The following MAPKBP1 variants were observed in gnomAD, a reference collection of about 807,000 sequenced individuals.
MAPKBP1 encodes the protein mitogen-activated protein kinase binding protein 1.
In MAPKBP1, 71 loss-of-function variants were observed where a neutral mutation model predicts 170.5. The observed-to-expected ratio is 0.42, with a 90% CI of 0.34 to 0.51. MAPKBP1 has a LOEUF of 0.51. Among genes scored for constraint, MAPKBP1 ranks in the 20% least tolerant of loss-of-function variants. MAPKBP1 has a pLI of 0.06. For missense variants in MAPKBP1, 1,598 were observed against 1,933.0 expected (o/e 0.83, Z 3.25); for synonymous variants, 719 against 757.9 (o/e 0.95, Z 0.84).
In MAPKBP1 at chr15:41,824,547, A is replaced by G; in HGVS notation, c.4277A>G (p.Gln1426Arg). Residue 1426 changes from glutamine to arginine, a missense_variant, in exon 30 of 31, where the codon CAG (glutamine) becomes CGG (arginine). Coordinates refer to ENST00000457542, the MANE Select transcript of MAPKBP1 (RefSeq NM_014994.3). ...LVAELRGSVRQAVRLYHSVAG... is the reference protein window; with the variant it reads ...LVAELRGSVRRAVRLYHSVAG... ...GCAGAGCTCCGCGGCAGCGTGCGCC[A>G]GGCAGTGCGGCTCTACCACTCGGTG... 6.2e-7 allele frequency: 1 copy of G among 1,600,996 alleles called. No individual in the cohort carries two copies. Among genetic ancestry groups the G allele is most frequent in the Non-Finnish European group, 8.5e-7 (1 of 1,175,074 alleles).
At position 41,821,832 on chromosome 15, in the gene MAPKBP1, C is replaced by G. The variant is rs150269120; in HGVS notation, c.2885+82C>G. 1.6e-3 allele frequency: 2,588 copies of G among 1,588,998 alleles called. 48 individuals carry two copies. In the African/African-American group the frequency reaches 0.032, roughly 20 times the overall value. On this transcript the variant is annotated intron_variant, in intron 24 of 30. Transcript: ENST00000457542. ...TTCTTTAGTCGAGGGAGGGTTGGCC[C>G]CCAGGATACTCAGGGCTTTCCTTCC... is the stretch of plus-strand genomic sequence containing the variant.
chr15:41,811,897 G>T, intron 5 of MAPKBP1, 60 bp from the exon 6 acceptor site: 1 of 1,581,908 alleles, frequency 6.3e-7, no homozygotes, highest in African/African-American at 1.3e-5. Context: ...GGAAGACGAA[G>T]TGGGGCTGTA....
At chr15:41,814,850 G>C in intron 10 of MAPKBP1, 111 bp downstream of exon 10, 1 of 1,337,680 alleles carries the variant, frequency 7.5e-7, no homozygotes, top group African/African-American at 1.5e-5. Flanking sequence ...CTGCCTCCCT[G>C]TTTCTCCAGT....
At chr15:41,819,547 C>CACGGG in intron 21 of MAPKBP1, 48 bp from the exon 22 acceptor site, 1 of 1,228,204 alleles carries the variant, frequency 8.1e-7, no homozygotes, top group African/African-American at 1.9e-5. Context: ...GGTTGGGTGG[C>CACGGG]GGGGGGGGGG....
At chr15:41,823,354 T>C (rs1237588289) in intron 28 of MAPKBP1, 93 bp from the exon 29 acceptor site, 2 of 1,547,260 alleles carry the variant, frequency 1.3e-6, no homozygotes, top group Non-Finnish European at 1.7e-6. Context: ...AATGGGCATG[T>C]GGAGGGGAAC....
At chr15:41,799,643 G>T (rs921140886) in intron 2 of MAPKBP1, among the ~76,000 whole-genome samples, 180 bp from the exon 3 acceptor site, 1 of 152,182 alleles carries the variant, frequency 6.6e-6, no homozygotes, top group African/African-American at 2.4e-5. Flanking sequence ...GGTTTTTCCC[G>T]TGTGATCAAG....
rs752371039 is a variant in MAPKBP1 at position 41,799,965 on chromosome 15, G to A, written c.206+51G>A. The A allele has an allele frequency of 1.2e-5, 18 of 1,495,126 alleles. No homozygotes were observed. In the Admixed American group the frequency reaches 1.7e-4, roughly 14 times the overall value. The allele number at this position is 1,495,126 out of a possible 1,614,324, so 92.6% of individuals were successfully genotyped here. Reference sequence around the variant, plus strand: ...TTGATGCATGGGAATTTATAGCCACGCTAGAGCAGTTGGGATGGGCAGGGA... The same window carrying A: ...TTGATGCATGGGAATTTATAGCCACACTAGAGCAGTTGGGATGGGCAGGGA... On this transcript the variant is annotated intron_variant, in intron 3 of 30. Transcript: ENST00000457542.
chr15:41,779,611 C>A (rs187997403), intron 2 of MAPKBP1, among the ~76,000 whole-genome samples: 52 of 152,322 alleles, frequency 3.4e-4, no homozygotes, highest in Admixed American at 1.4e-3. Context: ...TCCCAAAGTG[C>A]TGGGATTACA....
At chr15:41,777,785 A>G (rs962481419) in intron 2 of MAPKBP1, among the ~76,000 whole-genome samples, 4 of 152,254 alleles carry the variant, frequency 2.6e-5, no homozygotes, top group African/African-American at 7.2e-5. Flanking sequence ...GTGAGTAATC[A>G]TGATAACAGG....
At chr15:41,811,543 G>A (rs942737920) in intron 5 of MAPKBP1, 13 of 647,374 alleles carry the variant, frequency 2.0e-5, no homozygotes, top group Non-Finnish European at 3.1e-5. Context: ...TGAAGGAAGC[G>A]TGCTTTGGAA....
chr15:41,786,920 A>G (rs1299443200), intron 2 of MAPKBP1, among the ~76,000 whole-genome samples: 1 of 150,502 alleles, frequency 6.6e-6, no homozygotes, highest in Admixed American at 6.6e-5. Flanking sequence ...TTTCTTTGAC[A>G]TTGAGTCTTG....
At chr15:41,795,981 G>T (rs1235148697) in intron 2 of MAPKBP1, among the ~76,000 whole-genome samples, 2 of 152,180 alleles carry the variant, frequency 1.3e-5, no homozygotes, top group African/African-American at 4.8e-5. Flanking sequence ...AAGGCCTGAA[G>T]CAGGGAGAGC....
chr15:41,819,113 C>G, intron 20 of MAPKBP1, 133 bp from the exon 21 acceptor site: 1 of 1,431,100 alleles, frequency 7.0e-7, no homozygotes, highest in South Asian at 1.3e-5. Context: ...CCTCTTCCCC[C>G]TGTTGAGTCT....
chr15:41,819,768 C>G, intron 22 of MAPKBP1, 118 bp downstream of exon 22: 3 of 1,047,964 alleles, frequency 2.9e-6, no homozygotes, highest in Non-Finnish European at 4.2e-6. Context: ...ACATGCTGCA[C>G]TCGTGTGTCC....
In MAPKBP1 at chr15:41,817,279, C is replaced by T; in HGVS notation, c.1712-109C>T. 7.6e-7 allele frequency: 1 copy of T among 1,312,172 alleles called. No homozygotes were observed. The highest frequency in any genetic ancestry group is 1.8e-5 in the Admixed American group (1 of 55,112). The allele number at this position is 1,312,172 out of a possible 1,614,324, so 81.3% of individuals were successfully genotyped here. The stretch of plus-strand genomic sequence containing the variant: ...TCCAGGTTTAATTTAGTTGGTTTTC[C>T]CTGGCATGTAGAGTAGCTTGATGGG... On this transcript the variant is annotated intron_variant, in intron 14 of 30. Transcript: ENST00000457542. This position sits in a 1 kb window ranked among gnomAD's most constrained non-coding sequence, Gnocchi z 4.2.
rs189885527 is a variant in MAPKBP1, at chr15:41,817,780, C to T, written c.1904+45C>T. The T allele has an allele frequency of 1.2e-4, 185 of 1,599,586 alleles. No homozygotes were observed. Among genetic ancestry groups the T allele is most frequent in the Non-Finnish European group, 1.4e-4 (163 of 1,172,908 alleles). On this transcript the variant is annotated intron_variant, in intron 16 of 30. Transcript: ENST00000457542. This position sits in a 1 kb window ranked among gnomAD's most constrained non-coding sequence, Gnocchi z 4.2. ...ACTCTGCCCACATTCCTTCATCTCC[C>T]TACGGGGTCAGCTCTGTGCAGCTAA...
intron 29 of MAPKBP1, 130 bp downstream of exon 29, chr15:41,824,191 G>A (rs547637383): frequency 1.1e-4 from 137 of 1,298,474 alleles, no homozygotes; most frequent in Admixed American, 4.6e-4. Flanking sequence ...TGCTCCTGTC[G>A]CAGGTCCGTA....
At position 41,799,847 on chromosome 15, in the gene MAPKBP1, A is replaced by G; in HGVS notation, c.139A>G (p.Ile47Val). Residue 47 changes from isoleucine (I) to valine (V), a missense_variant, in exon 3 of 31, where the codon ATT becomes GTT. Transcript: ENST00000457542. The part of the protein sequence containing the change: ...SKVTLEKVLG[I>V]TVSGGRGLAC... ...GGTGACCTTGGAGAAGGTGCTGGGA[A>G]TTACAGTGTCTGGAGGCAGAGGACT... 1 of 1,614,046 alleles carries G rather than the reference A, an allele frequency of 6.2e-7. No individual in the cohort carries two copies. The highest frequency in any genetic ancestry group is 8.5e-7 in the Non-Finnish European group (1 of 1,179,948).
chr15:41,815,612 C>G lies in MAPKBP1; in HGVS notation c.1318-12C>G, dbSNP rs767581780. ...GCCTGCCTCATCCACCTTTTCTAAC[C>G]TGTTCCACTAGGACCTCATTAAAAT... On this transcript the variant is annotated splice_polypyrimidine_tract_variant and intron_variant, in intron 11 of 30. Transcript: ENST00000457542. 1.2e-6 allele frequency: 2 copies of G among 1,610,476 alleles called. No individual in the cohort carries two copies. The highest frequency in any genetic ancestry group is 1.7e-6 in the Non-Finnish European group (2 of 1,177,326).
Sources: gnomAD v4.1 joint callset for allele counts (sites outside exome capture counted in the v4.1 genomes callset) on GRCh38, gnomAD v4.1.1 for gene constraint, Gnocchi (gnomAD v3.1) non-coding constraint, MANE v1.5 for transcripts, NCBI Gene and HGNC (gene_info 2026-07-23, HGNC 2026-07-21) for gene names.